Variants in FAM222A observed in about 807,000 individuals in gnomAD.
The protein encoded by FAM222A is family with sequence similarity 222 member A.
In FAM222A, 7 loss-of-function variants were observed where a neutral mutation model predicts 25.8. The observed-to-expected ratio is 0.27, with a 90% CI of 0.15 to 0.51. The LOEUF (loss-of-function observed/expected upper bound fraction) is 0.51, where lower values mean the gene tolerates loss of function less well. Among genes scored for constraint, FAM222A ranks in the 20% least tolerant of loss-of-function variants. The pLI, the probability that FAM222A is intolerant of heterozygous loss-of-function variation, is 0.97. For synonymous variants in FAM222A, 294 were observed against 298.8 expected, an observed-to-expected ratio of 0.98 and a Z score of 0.17; for missense variants, 573 against 640.5, an observed-to-expected ratio of 0.89 and a Z score of 1.14.
chr12:109,760,436 CA>C (rs1888860939), intron 2 of FAM222A, among the ~76,000 whole-genome samples: 1 of 152,172 alleles, frequency 6.6e-6, no homozygotes, highest in African/African-American at 2.4e-5. Context: ...GAGCAGGAGC[CA>C]GGGGGATGGA....
intron 1 of FAM222A, among the ~76,000 whole-genome samples, chr12:109,729,239 C>A (rs11610657): frequency 1.8e-4 from 20 of 109,626 alleles, no homozygotes; most frequent in Non-Finnish European, 8.8e-5. Flanking sequence ...TCTAGTTTTT[C>A]TTTTGGACAT....
chr12:109,768,452 G>C lies in FAM222A; in HGVS notation c.523G>C (p.Ala175Pro), dbSNP rs1889127893. The C allele has an allele frequency of 6.2e-7, 1 of 1,600,336 alleles. No homozygotes were observed. The highest frequency in any genetic ancestry group is 1.7e-5 in the Admixed American group (1 of 59,874). Reference sequence around the variant, plus strand: ...TGCTCCACCACCCGGCCTGCCCGCAGCCGCCACTGCCGCCTCCGTCATCCC... The same window carrying C: ...TGCTCCACCACCCGGCCTGCCCGCACCCGCCACTGCCGCCTCCGTCATCCC... Reference protein sequence around the residue: ...APAPPPGLPAAATAASVIPLP... With the variant: ...APAPPPGLPAPATAASVIPLP... Residue 175 changes from alanine (A) to proline (P), a missense_variant, in exon 3 of 3, where the codon GCC (alanine) becomes CCC (proline). Ala to Pro is a conservative substitution (Grantham distance 27). Around this residue, in one of 3 missense-constraint regions of FAM222A, gnomAD observed 412 missense variants for 407.0 expected, o/e 1.01. Coordinates refer to ENST00000538780, the MANE Select transcript of FAM222A (RefSeq NM_032829.3).
At chr12:109,764,731 T>C (rs951941916) in intron 2 of FAM222A, among the ~76,000 whole-genome samples, 3 of 152,214 alleles carry the variant, frequency 2.0e-5, no homozygotes, top group African/African-American at 7.2e-5. Context: ...AAGTGACATT[T>C]TTGTGCTCAT....
intron 2 of FAM222A, among the ~76,000 whole-genome samples, chr12:109,766,487 A>G (rs1211561702): frequency 1.3e-5 from 2 of 152,348 alleles, no homozygotes; most frequent in East Asian, 3.9e-4. Context: ...CAGTAGACTC[A>G]AGGAGGGGCC....
At chr12:109,744,939 G>A (rs1281675570) in intron 2 of FAM222A, 8 of 278,944 alleles carry the variant, frequency 2.9e-5, no homozygotes, top group South Asian at 1.4e-4. Context: ...CCAGGTCACC[G>A]CGGTCCCCAC....
chr12:109,733,513 C>G (rs537002645), intron 1 of FAM222A, among the ~76,000 whole-genome samples: 1 of 152,164 alleles, frequency 6.6e-6, no homozygotes, highest in South Asian at 2.1e-4. Flanking sequence ...ACGCCATTCT[C>G]CTGCCTCAGC....
At chr12:109,752,315 T>C (rs539897728) in intron 2 of FAM222A, among the ~76,000 whole-genome samples, 2 of 152,362 alleles carry the variant, frequency 1.3e-5, no homozygotes, top group Non-Finnish European at 2.9e-5. Context: ...CTGCCTGTAA[T>C]TGAAGAGCAC....
intron 1 of FAM222A, chr12:109,722,492 A>G (rs1887762920): frequency 6.6e-6 from 1 of 152,222 alleles, no homozygotes; most frequent in African/African-American, 2.4e-5. Context: ...GAATAAATGA[A>G]TGAAGACTCC....
At chr12:109,749,917 C>CT (rs1888513523) in intron 2 of FAM222A, among the ~76,000 whole-genome samples, 1 of 152,168 alleles carries the variant, frequency 6.6e-6, no homozygotes, top group Non-Finnish European at 1.5e-5. Context: ...TTTGCCAATC[C>CT]TTGTATTTCA....
At chr12:109,724,323 C>T (rs991463964) in intron 1 of FAM222A, among the ~76,000 whole-genome samples, 1 of 151,874 alleles carries the variant, frequency 6.6e-6, no homozygotes, top group African/African-American at 2.4e-5. Flanking sequence ...GCACAGTGTT[C>T]ATGGAAACAT....
At chr12:109,760,817 C>T (rs896206579) in intron 2 of FAM222A, among the ~76,000 whole-genome samples, 5 of 152,176 alleles carry the variant, frequency 3.3e-5, no homozygotes, top group Non-Finnish European at 5.9e-5. Flanking sequence ...AAGCTGGGGA[C>T]GCCATGTGTG....
chr12:109,737,330 C>T (rs1888114034), intron 1 of FAM222A, among the ~76,000 whole-genome samples: 1 of 152,074 alleles, frequency 6.6e-6, no homozygotes, highest in African/African-American at 2.4e-5. Context: ...TTTGGTCTCC[C>T]CTTTGGCTCA....
At chr12:109,740,338 C>T (rs895387065) in intron 1 of FAM222A, among the ~76,000 whole-genome samples, 1 of 152,172 alleles carries the variant, frequency 6.6e-6, no homozygotes, top group Non-Finnish European at 1.5e-5. Context: ...GCCAAGCATT[C>T]TAATCATTGA....
At chr12:109,733,196 G>T (rs1887989631) in intron 1 of FAM222A, among the ~76,000 whole-genome samples, 1 of 152,136 alleles carries the variant, frequency 6.6e-6, no homozygotes, top group African/African-American at 2.4e-5. Flanking sequence ...AGGCAAGTCT[G>T]AACTGAACTG....
At chr12:109,766,609 C>G (rs909995301) in intron 2 of FAM222A, among the ~76,000 whole-genome samples, 2 of 152,162 alleles carry the variant, frequency 1.3e-5, no homozygotes, top group African/African-American at 2.4e-5. Context: ...TCCCGTTTCA[C>G]AGGTGAGGAA....
chr12:109,723,552 C>T (rs978950358), intron 1 of FAM222A, among the ~76,000 whole-genome samples: 4 of 143,568 alleles, frequency 2.8e-5, no homozygotes, highest in African/African-American at 1.2e-4. Flanking sequence ...GCTCCTTTCT[C>T]TCCATCATTA....
chr12:109,743,532 G>A (rs1267315203), intron 1 of FAM222A, among the ~76,000 whole-genome samples: 2 of 152,218 alleles, frequency 1.3e-5, no homozygotes, highest in African/African-American at 4.8e-5. Flanking sequence ...CATGGATCAA[G>A]GTTCAAGAGC....
chr12:109,723,011 G>A (rs1321876998), intron 1 of FAM222A, among the ~76,000 whole-genome samples: 1 of 141,802 alleles, frequency 7.1e-6, no homozygotes, highest in Admixed American at 6.9e-5. Context: ...GTGGGGGGGG[G>A]AGGGGGTATC....
intron 1 of FAM222A, among the ~76,000 whole-genome samples, chr12:109,733,662 CA>C (rs1227781536): frequency 6.6e-6 from 1 of 152,126 alleles, no homozygotes; most frequent in African/African-American, 2.4e-5. Context: ...CTCGGCCTCC[CA>C]AAAGTGCTGG....
Sources: gnomAD v4.1 joint callset for allele counts (sites outside exome capture counted in the v4.1 genomes callset) on GRCh38, gnomAD v4.1.1 for gene constraint, gnomAD v4.1.1 regional missense constraint, MANE v1.5 for transcripts, NCBI Gene and HGNC (gene_info 2026-07-23, HGNC 2026-07-21) for gene names.